Variants in CSF1R observed in about 807,000 individuals in gnomAD.
The protein encoded by CSF1R is macrophage colony-stimulating factor 1 receptor.
Under a neutral mutation model 110.0 loss-of-function variants are expected in CSF1R, and 40 were observed. The observed-to-expected ratio is 0.36, with a 90% CI of 0.28 to 0.47. The LOEUF is 0.47. Ranked by LOEUF, CSF1R falls within the 20% of genes least tolerant of loss-of-function variation. The pLI, the probability that CSF1R is intolerant of heterozygous loss-of-function variation, is 0.99. For missense variants in CSF1R, 1,052 were observed against 1,253.0 expected, an observed-to-expected ratio of 0.84 and a Z score of 2.42; for synonymous variants, 523 against 503.4, an observed-to-expected ratio of 1.04 and a Z score of -0.52.
At chr5:150,076,853 C>A in intron 5 of CSF1R, 1 of 241,916 alleles carries the variant, frequency 4.1e-6, no homozygotes, top group South Asian at 5.6e-5. Flanking sequence ...GTTTAGAGGC[C>A]ACCTTCTCGA....
intron 1 of CSF1R, among the ~76,000 whole-genome samples, chr5:150,111,962 G>A (rs1759731884): frequency 1.3e-5 from 2 of 152,114 alleles, no homozygotes; most frequent in Admixed American, 6.5e-5. Context: ...ATTCAAACCT[G>A]GACTAAATGA....
chr5:150,103,828 G>T (rs1388609776), intron 1 of CSF1R, among the ~76,000 whole-genome samples: 1 of 152,198 alleles, frequency 6.6e-6, no homozygotes, highest in Non-Finnish European at 1.5e-5. Flanking sequence ...GAAAGGGGGT[G>T]AGGTCCAAGT....
chr5:150,103,156 G>T (rs776912178), intron 1 of CSF1R, among the ~76,000 whole-genome samples: 4 of 152,236 alleles, frequency 2.6e-5, no homozygotes, highest in Non-Finnish European at 5.9e-5. Flanking sequence ...GCCAGAATCC[G>T]AATTTTCTGA....
chr5:150,060,688 C>T (rs1263585129), intron 13 of CSF1R, among the ~76,000 whole-genome samples, 174 bp downstream of exon 13: 1 of 152,176 alleles, frequency 6.6e-6, no homozygotes, highest in Non-Finnish European at 1.5e-5. Context: ...CCGTGCAGCT[C>T]CTGACTATTC....
rs1759280518 is a variant in CSF1R, at chr5:150,098,024, C to G, written c.-180-11417G>C. ...GACTCTATAAAGCTATAATATAGTACTGGTGAAAGGATAGACATGTACATC... is the reference window on the plus strand; with the variant it reads ...GACTCTATAAAGCTATAATATAGTAGTGGTGAAAGGATAGACATGTACATC... On this transcript the variant is annotated intron_variant, in intron 1 of 21. Transcript: ENST00000286301. Among the ~76,000 whole-genome samples the G allele has an allele frequency of 3.3e-5, 5 of 152,112 alleles. No homozygotes were observed. In the South Asian group the frequency reaches 1.0e-3, roughly 31 times the overall value.
chr5:150,074,060 A>T (rs985246525), intron 5 of CSF1R, among the ~76,000 whole-genome samples: 8 of 152,138 alleles, frequency 5.3e-5, no homozygotes, highest in African/African-American at 1.9e-4. Context: ...AGAAGCCCTC[A>T]TTTTACTGGT....
chr5:150,075,185 A>G (rs1758210906), intron 5 of CSF1R, among the ~76,000 whole-genome samples: 1 of 152,102 alleles, frequency 6.6e-6, no homozygotes, highest in Non-Finnish European at 1.5e-5. Flanking sequence ...TTTGGGGGCA[A>G]GGCTTTTCTC....
At chr5:150,073,790 A>G (rs1758133710) in intron 5 of CSF1R, among the ~76,000 whole-genome samples, 1 of 152,154 alleles carries the variant, frequency 6.6e-6, no homozygotes, top group Non-Finnish European at 1.5e-5. Flanking sequence ...TGATTTTCCA[A>G]GTTTTTGAAA....
intron 1 of CSF1R, among the ~76,000 whole-genome samples, chr5:150,095,749 A>G (rs1471974054): frequency 7.0e-6 from 1 of 142,134 alleles, no homozygotes; most frequent in Non-Finnish European, 1.5e-5. Flanking sequence ...AAAAAAAGTA[A>G]TAACATTTAC....
chr5:150,081,122 G>T, intron 1 of CSF1R, 98 bp from the exon 2 acceptor site: 1 of 1,412,910 alleles, frequency 7.1e-7, no homozygotes, highest in Non-Finnish European at 9.7e-7. Context: ...CAGGGATGGT[G>T]CTGTGCCATC....
Position 150,054,111 on chromosome 5 carries a change from G to A in CSF1R, c.2877C>T (p.Ile959=), listed in dbSNP as rs1219771479. The A allele has an allele frequency of 1.1e-5, 18 of 1,613,988 alleles. No homozygotes were observed. Among genetic ancestry groups the A allele is most frequent in the Non-Finnish European group, 1.4e-5 (17 of 1,180,018 alleles). The change falls in exon 21 of 21, where the codon ATC becomes ATT. Residue 959 remains isoleucine (I), a synonymous_variant. Transcript: ENST00000675795. Reference sequence around the variant, plus strand: ...TGTTGGGCTGCAGCAAGGGCTGGGCGATATCCCCTTGCTCGCAGCAGGTCA... The same window carrying A: ...TGTTGGGCTGCAGCAAGGGCTGGGCAATATCCCCTTGCTCGCAGCAGGTCA... ...EHLTCCEQGD[I]AQPLLQPNNY...
Position 150,058,193 on chromosome 5 carries a change from C to G in CSF1R, c.2133-601G>C. 6.6e-6 allele frequency: 3 copies of G among 455,948 alleles called. No individual in the cohort carries two copies. In the East Asian group the frequency reaches 2.1e-4, roughly 32 times the overall value. 28.2% of individuals were successfully genotyped at this position (455,948 alleles called of 1,614,324 possible). The stretch of plus-strand genomic sequence containing the variant: ...TGCAGATAAATCACCCCGGGAATCT[C>G]TGCAATGCAGATTTTGAATCAGCAG... On this transcript the variant is annotated intron_variant, in intron 14 of 20. Transcript: ENST00000675795.
At chr5:150,071,090 C>G (rs539043042) in intron 6 of CSF1R, among the ~76,000 whole-genome samples, 9 of 152,302 alleles carry the variant, frequency 5.9e-5, no homozygotes, top group African/African-American at 2.2e-4. Flanking sequence ...ACTTCCTTTG[C>G]TGTGAGAGTG....
intron 14 of CSF1R, 84 bp from the exon 15 acceptor site, chr5:150,057,676 A>G: frequency 1.0e-6 from 1 of 956,542 alleles, no homozygotes; most frequent in Non-Finnish European, 1.7e-6. Context: ...CCACCACCCC[A>G]TGGTCAACTG....
chr5:150,111,044 G>T (rs916935684), intron 1 of CSF1R, among the ~76,000 whole-genome samples: 2 of 152,002 alleles, frequency 1.3e-5, no homozygotes, highest in Non-Finnish European at 2.9e-5. Flanking sequence ...GAAACAAAAG[G>T]CATATTCAAA....
chr5:150,055,715 G>A (rs910810042), intron 18 of CSF1R, among the ~76,000 whole-genome samples: 3 of 152,264 alleles, frequency 2.0e-5, no homozygotes, highest in East Asian at 1.9e-4. Flanking sequence ...CTAGAGCCTA[G>A]TAGTAGAGAG....
chr5:150,078,088 A>T (rs755205036), intron 4 of CSF1R, 24 bp downstream of exon 4: 14 of 1,613,390 alleles, frequency 8.7e-6, no homozygotes, highest in African/African-American at 2.7e-5. Context: ...GCCAGACTTC[A>T]CCTTGTGATC....
chr5:150,069,829 G>A (rs1757951724), intron 9 of CSF1R, 44 bp downstream of exon 9: 2 of 1,208,818 alleles, frequency 1.7e-6, no homozygotes, highest in East Asian at 5.0e-5. Context: ...GCAGGGGCGG[G>A]GGGCGGGCGG....
At chr5:150,105,361 AAAATAT>A (rs1427255527) in intron 1 of CSF1R, among the ~76,000 whole-genome samples, 24 of 96,468 alleles carry the variant, frequency 2.5e-4, no homozygotes, top group Admixed American at 9.6e-4. Flanking sequence ...AAAAAAAAAA[AAAATAT>A]ATATATATAT....
Sources: allele counts gnomAD v4.1 joint callset (sites outside exome capture counted in the v4.1 genomes callset), GRCh38; gene constraint gnomAD v4.1.1; transcripts MANE v1.5; gene names NCBI Gene and HGNC (gene_info 2026-07-23, HGNC 2026-07-21).